Variants in GRIP1 observed in about 807,000 individuals in gnomAD.
The protein encoded by GRIP1 is glutamate receptor-interacting protein 1.
GRIP1 carries 45 observed loss-of-function variants against 129.9 expected under a neutral mutation model. That is an observed-to-expected ratio of 0.35 (90% CI 0.27 to 0.44). GRIP1 has a LOEUF of 0.44. Among genes scored for constraint, GRIP1 ranks in the 20% least tolerant of loss-of-function variants. The probability of loss-of-function intolerance (pLI) is 1.00; values close to 1 mark genes in which losing one functional copy is unlikely to be tolerated. For missense variants in GRIP1, 1,196 were observed against 1,396.8 expected, an observed-to-expected ratio of 0.86 and a Z score of 2.29; for synonymous variants, 530 against 520.8, an observed-to-expected ratio of 1.02 and a Z score of -0.24.
intron 7 of GRIP1, among the ~76,000 whole-genome samples, chr12:66,487,419 A>G (rs1025870487): frequency 1.3e-5 from 2 of 152,192 alleles, no homozygotes; most frequent in African/African-American, 4.8e-5. Flanking sequence ...TTTTTCAGAC[A>G]AGCAAATGCT....
Position 66,579,627 on chromosome 12 carries a change from C to T in GRIP1, c.136+17220G>A, listed in dbSNP as rs1353831018. On this transcript the variant is annotated intron_variant, in intron 2 of 24. Transcript: ENST00000359742. ...TAAAGAATGCAGAAGCCTCAGGAGC[C>T]GATGCGATCAACTGGAAGAAAGGGT... 4.6e-5 allele frequency among the ~76,000 whole-genome samples: 7 copies of T among 152,010 alleles called. No homozygotes were observed. In the South Asian group the frequency reaches 1.0e-3, roughly 23 times the overall value.
At chr12:66,441,407 T>C (rs1230767681) in intron 13 of GRIP1, among the ~76,000 whole-genome samples, 2 of 151,820 alleles carry the variant, frequency 1.3e-5, no homozygotes, top group African/African-American at 4.8e-5. Flanking sequence ...TCCTTAGGGG[T>C]CTCCTTTTTT....
At chr12:66,840,839 G>C (rs1286806733) in intron 1 of GRIP1, among the ~76,000 whole-genome samples, 1 of 152,140 alleles carries the variant, frequency 6.6e-6, no homozygotes, top group African/African-American at 2.4e-5. Context: ...AACATGCACA[G>C]ACAGCCCAGT....
chr12:66,586,757 A>T (rs2063653633), intron 2 of GRIP1, among the ~76,000 whole-genome samples: 1 of 152,130 alleles, frequency 6.6e-6, no homozygotes, highest in Non-Finnish European at 1.5e-5. Context: ...TTCTTTCTTC[A>T]AAATTTGACC....
intron 1 of GRIP1, among the ~76,000 whole-genome samples, chr12:66,882,912 T>TC (rs1332604011): frequency 6.6e-6 from 1 of 152,136 alleles, no homozygotes; most frequent in African/African-American, 2.4e-5. Context: ...TTTGCAAGGT[T>TC]CATAACCAAA....
rs1386260873 is a variant in GRIP1 at position 67,000,454 on chromosome 12, C to T, written c.58+68596G>A. Among the ~76,000 whole-genome samples the T allele has an allele frequency of 2.0e-5, 3 of 152,184 alleles. No homozygotes were observed. The East Asian group carries it at 5.8e-4, about 29-fold the overall frequency. ...TGTATCTGCTAATGTGTCTAACCAA[C>T]AATTTCTATCTGCCTCCAAAACATC... On this transcript the variant is annotated intron_variant, in intron 1 of 1. Transcript: ENST00000643019.
intron 1 of GRIP1, among the ~76,000 whole-genome samples, chr12:67,019,106 G>A (rs1000955806): frequency 1.3e-5 from 2 of 152,146 alleles, no homozygotes; most frequent in African/African-American, 4.8e-5. Context: ...TGAGAAAGGA[G>A]TAAAAAGGAG....
chr12:67,048,732 T>G (rs2043293810), intron 1 of GRIP1, among the ~76,000 whole-genome samples: 1 of 152,164 alleles, frequency 6.6e-6, no homozygotes, highest in Non-Finnish European at 1.5e-5. Flanking sequence ...TCCTGTGCTG[T>G]TCTCATGATA....
chr12:66,882,596 G>A (rs1486571245), intron 1 of GRIP1, among the ~76,000 whole-genome samples: 3 of 152,124 alleles, frequency 2.0e-5, no homozygotes, highest in Non-Finnish European at 4.4e-5. Flanking sequence ...GCAGTGTTAG[G>A]AACATATTAA....
chr12:66,908,067 AC>A (rs1230408712), intron 1 of GRIP1, among the ~76,000 whole-genome samples: 1 of 152,228 alleles, frequency 6.6e-6, no homozygotes, highest in Non-Finnish European at 1.5e-5. Flanking sequence ...ACTTTGTTAA[AC>A]TTCCTTAAAC....
intron 5 of GRIP1, among the ~76,000 whole-genome samples, chr12:66,523,437 T>A (rs1029950265): frequency 1.3e-5 from 2 of 149,580 alleles, no homozygotes; most frequent in Non-Finnish European, 3.0e-5. Flanking sequence ...CTAAGCTTCA[T>A]AAGTGAAGGA....
chr12:66,638,971 C>T (rs564002268), intron 1 of GRIP1, among the ~76,000 whole-genome samples: 196 of 152,144 alleles, frequency 1.3e-3, no homozygotes, highest in African/African-American at 4.4e-3. Context: ...AGTTTGGCTA[C>T]GAGGATTAAA....
chr12:66,860,242 G>T (rs144257645), intron 1 of GRIP1, among the ~76,000 whole-genome samples: 1 of 152,076 alleles, frequency 6.6e-6, no homozygotes. Flanking sequence ...ACCCAACTAG[G>T]TGGAAGCTTT....
chr12:66,588,988 T>TTATA (rs2063747484), intron 2 of GRIP1, among the ~76,000 whole-genome samples: 2 of 145,766 alleles, frequency 1.4e-5, no homozygotes, highest in Non-Finnish European at 3.0e-5. Context: ...AAAAAAAAAA[T>TTATA]TAAATAAATA....
intron 1 of GRIP1, among the ~76,000 whole-genome samples, chr12:66,656,838 T>C (rs747034696): frequency 2.6e-5 from 4 of 152,222 alleles, no homozygotes; most frequent in Non-Finnish European, 5.9e-5. Context: ...AGAAATGCAG[T>C]ATTTACATGA....
chr12:66,628,294 T>C (rs2030330287), intron 1 of GRIP1, among the ~76,000 whole-genome samples: 1 of 151,696 alleles, frequency 6.6e-6, no homozygotes, highest in South Asian at 2.1e-4. Context: ...GGAATATACA[T>C]TATGCCTTCA....
chr12:66,574,189 GC>G (rs1017825397), intron 2 of GRIP1, among the ~76,000 whole-genome samples: 6 of 152,164 alleles, frequency 3.9e-5, no homozygotes, highest in African/African-American at 1.4e-4. Context: ...GGTCAGGGAT[GC>G]CCCCCACCCA....
At chr12:66,990,821 C>CCT in intron 1 of GRIP1, among the ~76,000 whole-genome samples, 1 of 152,070 alleles carries the variant, frequency 6.6e-6, no homozygotes, top group Non-Finnish European at 1.5e-5. Flanking sequence ...ATGGAGGAAC[C>CCT]CTGTCTCTAC....
At chr12:66,385,246 G>A (rs1354117048) in intron 19 of GRIP1, among the ~76,000 whole-genome samples, 2 of 152,166 alleles carry the variant, frequency 1.3e-5, no homozygotes, top group Admixed American at 6.5e-5. Context: ...GCCAGGCACG[G>A]TGGCTCAGGC....
Sources: gnomAD v4.1 joint callset for allele counts (sites outside exome capture counted in the v4.1 genomes callset) on GRCh38, gnomAD v4.1.1 for gene constraint, MANE v1.5 for transcripts, NCBI Gene and HGNC (gene_info 2026-07-23, HGNC 2026-07-21) for gene names.